TTC27: variants seen among roughly 807,000 people sequenced by gnomAD.
TTC27 encodes the protein tetratricopeptide repeat protein 27.
Under a neutral mutation model 115.9 loss-of-function variants are expected in TTC27, and 79 were observed. The ratio of observed to expected loss-of-function variants is 0.68; its 90% CI spans 0.57 to 0.82. TTC27 has a LOEUF of 0.82. Among genes scored for constraint, TTC27 ranks in the 40% least tolerant of loss-of-function variants. TTC27 has a pLI of 0.00. For synonymous variants in TTC27, 401 were observed against 356.0 expected (o/e 1.13, Z -1.42); for missense variants, 1,054 against 993.1 (o/e 1.06, Z -0.82).
intron 12 of TTC27, among the ~76,000 whole-genome samples, chr2:32,754,804 C>T (rs186307384): frequency 0.016 from 2,084 of 131,154 alleles, 59 homozygotes; most frequent in African/African-American, 0.056. Flanking sequence ...CCGGACGGGG[C>T]GGCTGGCTGG....
intron 12 of TTC27, among the ~76,000 whole-genome samples, chr2:32,741,534 C>T (rs1668639599): frequency 6.6e-6 from 1 of 151,650 alleles, no homozygotes; most frequent in Non-Finnish European, 1.5e-5. Context: ...TGCCTGTAGT[C>T]CCAGCTACTT....
chr2:32,673,547 G>A (rs1017277855), intron 8 of TTC27, among the ~76,000 whole-genome samples: 1 of 152,228 alleles, frequency 6.6e-6, no homozygotes. Flanking sequence ...TTTTTAGCTG[G>A]GATGTCAGAG....
At chr2:32,794,418 C>T (rs1670633342) in intron 16 of TTC27, among the ~76,000 whole-genome samples, 2 of 152,046 alleles carry the variant, frequency 1.3e-5, no homozygotes, top group Non-Finnish European at 2.9e-5. Context: ...GAAAATACAG[C>T]ATACCAAAAC....
At chr2:32,782,828 TCAAAC>T (rs1380795129) in intron 15 of TTC27, 150 bp downstream of exon 15, 1 of 530,838 alleles carries the variant, frequency 1.9e-6, no homozygotes, top group East Asian at 3.0e-5. Flanking sequence ...AAAACTTAAT[TCAAAC>T]TAAATTAACT....
intron 10 of TTC27, among the ~76,000 whole-genome samples, chr2:32,703,234 C>G (rs1348955614): frequency 6.6e-6 from 1 of 152,106 alleles, no homozygotes; most frequent in Admixed American, 6.5e-5. Flanking sequence ...TTTGGGAGGC[C>G]AAGGCAGGTG....
In TTC27 at chr2:32,673,302, G is replaced by A. The variant is rs1267134427; in HGVS notation, c.1052+918G>A. On this transcript the variant is annotated intron_variant, in intron 8 of 19. Coordinates refer to ENST00000317907, the MANE Select transcript of TTC27 (RefSeq NM_017735.5). ...TGCAATGGCACAATCTTGGCTCATTGCAACCTCCGCCCCACGGGCTCAAGC... is the reference window on the plus strand; with the variant it reads ...TGCAATGGCACAATCTTGGCTCATTACAACCTCCGCCCCACGGGCTCAAGC... Among the ~76,000 whole-genome samples, 3 of 145,096 alleles carry A rather than the reference G, an allele frequency of 2.1e-5. No homozygotes were observed. In the Admixed American group the frequency reaches 2.1e-4, roughly 10 times the overall value.
chr2:32,657,301 CTCTT>C (rs1665361369), intron 5 of TTC27, among the ~76,000 whole-genome samples: 1 of 151,574 alleles, frequency 6.6e-6, no homozygotes, highest in Non-Finnish European at 1.5e-5. Context: ...TTGACTTACT[CTCTT>C]TGAGTCCAGA....
chr2:32,708,651 A>G (rs537821390), intron 10 of TTC27, among the ~76,000 whole-genome samples: 11 of 149,636 alleles, frequency 7.4e-5, no homozygotes, highest in African/African-American at 2.7e-4. Flanking sequence ...AGAATGCAGT[A>G]TATTAAGCTT....
intron 5 of TTC27, among the ~76,000 whole-genome samples, chr2:32,653,601 A>AC (rs1665213144): frequency 6.6e-6 from 1 of 151,218 alleles, no homozygotes; most frequent in African/African-American, 2.4e-5. Context: ...CTCAAAAAAA[A>AC]AAAAACAAAA....
intron 8 of TTC27, among the ~76,000 whole-genome samples, chr2:32,673,907 G>T (rs980005245): frequency 6.6e-6 from 1 of 151,978 alleles, no homozygotes; most frequent in African/African-American, 2.4e-5. Context: ...AGACAGAATC[G>T]CTTGAACCGA....
chr2:32,697,131 G>T (rs1014165143), intron 9 of TTC27, among the ~76,000 whole-genome samples: 2 of 151,542 alleles, frequency 1.3e-5, no homozygotes, highest in Non-Finnish European at 2.9e-5. Context: ...GGTGAGGGTT[G>T]CAGTAAGCCG....
At chr2:32,674,393 C>T (rs1000549016) in intron 8 of TTC27, among the ~76,000 whole-genome samples, 6 of 152,010 alleles carry the variant, frequency 3.9e-5, no homozygotes, top group Non-Finnish European at 8.8e-5. Flanking sequence ...TCAGGTGATC[C>T]GCCCGCCTCA....
At chr2:32,636,217 C>CT (rs760404998) in intron 3 of TTC27, among the ~76,000 whole-genome samples, 8 of 151,428 alleles carry the variant, frequency 5.3e-5, no homozygotes, top group Non-Finnish European at 1.0e-4. Context: ...ATTCGCATTT[C>CT]TTTTTTTTTG....
intron 13 of TTC27, among the ~76,000 whole-genome samples, chr2:32,774,326 G>T (rs78393803): frequency 6.6e-6 from 1 of 151,520 alleles, no homozygotes; most frequent in African/African-American, 2.4e-5. Context: ...GATTACAGAC[G>T]CATGCCTGCT....
At chr2:32,722,340 G>A (rs980736722) in intron 10 of TTC27, among the ~76,000 whole-genome samples, 11 of 152,344 alleles carry the variant, frequency 7.2e-5, no homozygotes, top group African/African-American at 2.4e-4. Flanking sequence ...AGTTGCTCAT[G>A]TGATTGTAGC....
intron 13 of TTC27, among the ~76,000 whole-genome samples, chr2:32,770,489 A>G (rs6724076): frequency 0.14 from 20,892 of 152,194 alleles, 1,755 homozygotes; most frequent in African/African-American, 0.24. Flanking sequence ...CAAGTTATAA[A>G]AAGCCCTGAA....
At chr2:32,750,883 C>T (rs1296062112) in intron 12 of TTC27, among the ~76,000 whole-genome samples, 1 of 152,166 alleles carries the variant, frequency 6.6e-6, no homozygotes, top group East Asian at 1.9e-4. Flanking sequence ...GACATTGGCA[C>T]AGAAGTTTTT....
In TTC27 at chr2:32,709,947, A is replaced by G. The variant is rs1039720266; in HGVS notation, c.1233+7027A>G. ...ATATAGTTTATTTAAGGAAATACAC[A>G]TAATACTTTTTTTACATTATGGAAA... On this transcript the variant is annotated intron_variant, in intron 10 of 19. Transcript: ENST00000317907. Among the ~76,000 whole-genome samples, 6 of 152,382 alleles carry G rather than the reference A, an allele frequency of 3.9e-5. 2 individuals are homozygous for G. Among genetic ancestry groups the G allele is most frequent in the Middle Eastern group, 3.4e-3 (1 of 294 alleles).
chr2:32,696,307 T>C (rs538264880), intron 9 of TTC27, among the ~76,000 whole-genome samples: 1 of 151,600 alleles, frequency 6.6e-6, no homozygotes, highest in Non-Finnish European at 1.5e-5. Flanking sequence ...TTTTATTTTT[T>C]GAGACAGAGT....
Sources: gnomAD v4.1 joint callset for allele counts (sites outside exome capture counted in the v4.1 genomes callset) on GRCh38, gnomAD v4.1.1 for gene constraint, MANE v1.5 for transcripts, NCBI Gene and HGNC (gene_info 2026-07-23, HGNC 2026-07-21) for gene names.